Variants in ENPEP observed in about 807,000 individuals in gnomAD.
ENPEP encodes AP-A.
In ENPEP, 103 loss-of-function variants were observed where a neutral mutation model predicts 114.5. The ratio of observed to expected loss-of-function variants is 0.90; its 90% CI spans 0.77 to 1.06. The LOEUF is 1.06. ENPEP is among the 50% of genes least tolerant of loss of function. The pLI is 0.00. For synonymous variants in ENPEP, 420 were observed against 422.0 expected (o/e 1.00, Z 0.06); for missense variants, 1,196 against 1,161.3 (o/e 1.03, Z -0.43).
In ENPEP at chr4:110,529,790, G is replaced by C. The variant is rs115214049; in HGVS notation, c.1728-1408G>C. Among the ~76,000 whole-genome samples, 1,467 of 152,226 alleles carry C rather than the reference G, an allele frequency of 9.6e-3. 29 individuals are homozygous for C. Among genetic ancestry groups the C allele is most frequent in the African/African-American group, 0.033 (1,381 of 41,526 alleles). ...TCCAAGGTGTACAAAAATGACAAAG[G>C]GGGCCGGGCACAGTGGCTTATGCCT... is the stretch of plus-strand genomic sequence containing the variant. On this transcript the variant is annotated intron_variant, in intron 10 of 19. Coordinates refer to ENST00000265162, the MANE Select transcript of ENPEP (RefSeq NM_001977.4).
chr4:110,543,401 A>G (rs1399976296), intron 13 of ENPEP, among the ~76,000 whole-genome samples: 2 of 152,088 alleles, frequency 1.3e-5, no homozygotes, highest in East Asian at 3.9e-4. Flanking sequence ...GATTTAATAT[A>G]AAGACAAACA....
At chr4:110,531,729 T>C (rs1253915193) in intron 11 of ENPEP, among the ~76,000 whole-genome samples, 2 of 152,168 alleles carry the variant, frequency 1.3e-5, no homozygotes, top group African/African-American at 4.8e-5. Context: ...TTTTCCTTAC[T>C]TGAAAAATGT....
Position 110,476,631 on chromosome 4 carries a change from C to T in ENPEP, c.217C>T (p.Gln73Ter). Reference sequence around the variant, plus strand: ...GGCCAGCCCCTCAGGTCCTCCTGCCCAGGACCAGGACATCTGCCCGGCCAG... The same window carrying T: ...GGCCAGCCCCTCAGGTCCTCCTGCCTAGGACCAGGACATCTGCCCGGCCAG... ...STASPSGPPA[Q>*]DQDICPASED... is the part of the protein sequence containing the mutation. Residue 73 changes from glutamine to a stop codon, truncating the protein, a stop_gained, in exon 1 of 20, where the codon CAG (glutamine) becomes TAG (stop). Coordinates refer to ENST00000265162, the MANE Select transcript of ENPEP (RefSeq NM_001977.4). LOFTEE classifies it high-confidence loss of function. 1 of 1,614,136 alleles carries T rather than the reference C, an allele frequency of 6.2e-7. No individual in the cohort carries two copies. Among genetic ancestry groups the T allele is most frequent in the South Asian group, 1.1e-5 (1 of 91,078 alleles).
intron 18 of ENPEP, among the ~76,000 whole-genome samples, chr4:110,554,936 T>A (rs180726353): frequency 4.9e-4 from 75 of 152,164 alleles, no homozygotes; most frequent in Non-Finnish European, 8.4e-4. Flanking sequence ...AGCTATGCTG[T>A]GATTTATTTC....
chr4:110,545,774 G>A (rs1258385487), intron 13 of ENPEP, among the ~76,000 whole-genome samples: 4 of 151,944 alleles, frequency 2.6e-5, no homozygotes, highest in Admixed American at 1.3e-4. Flanking sequence ...TCCTTGAGGT[G>A]GGCAGGTGGA....
chr4:110,521,351 C>T (rs1318808231), intron 10 of ENPEP, among the ~76,000 whole-genome samples: 9 of 151,756 alleles, frequency 5.9e-5, no homozygotes, highest in Non-Finnish European at 8.8e-5. Context: ...TGCACTCCAG[C>T]CTAGGTGACA....
chr4:110,552,712 C>G (rs993756510), intron 17 of ENPEP, among the ~76,000 whole-genome samples: 1 of 152,130 alleles, frequency 6.6e-6, no homozygotes, highest in African/African-American at 2.4e-5. Flanking sequence ...AGAAACGCTA[C>G]TCTAGGTATA....
chr4:110,555,465 C>T (rs1727436619), intron 18 of ENPEP, among the ~76,000 whole-genome samples: 1 of 151,962 alleles, frequency 6.6e-6, no homozygotes, highest in Non-Finnish European at 1.5e-5. Context: ...TTAAATAAAG[C>T]TTTTGTCATG....
chr4:110,488,606 C>G lies in ENPEP; in HGVS notation c.710C>G (p.Pro237Arg), dbSNP rs1724589250. The change falls in exon 2 of 20, where the codon CCC (proline) becomes CGC (arginine). Residue 237 changes from proline (P) to arginine (R), a missense_variant. Transcript: ENST00000265162. The stretch of plus-strand genomic sequence containing the variant: ...AAATCTTTTCCTTGTTTTGATGAGC[C>G]CAACAAAAAGGCAACTTATACAATA... ...ARKSFPCFDE[P>R]NKKATYTISI... 6 of 1,613,610 alleles carry G rather than the reference C, an allele frequency of 3.7e-6. No homozygotes were observed. The highest frequency in any genetic ancestry group is 4.2e-6 in the Non-Finnish European group (5 of 1,179,904).
Position 110,562,286 on chromosome 4 carries a change from C to A in ENPEP, c.*728C>A, listed in dbSNP as rs1346543184. 2 of 152,094 alleles carry A rather than the reference C, an allele frequency of 1.3e-5. No individual in the cohort carries two copies. Among genetic ancestry groups the A allele is most frequent in the Admixed American group, 1.3e-4 (2 of 15,266 alleles). 9.4% of individuals were successfully genotyped at this position (152,094 alleles called of 1,614,324 possible). On this transcript the variant is annotated 3_prime_UTR_variant, in exon 20 of 20. Transcript: ENST00000265162. ...GTTCCCCAAATAATTTAACACATTG[C>A]AAATATGATTCAAGAATCTGGCCTT...
At position 110,510,329 on chromosome 4, in the gene ENPEP, G is replaced by C. The variant is rs1246444759; in HGVS notation, c.1279G>C (p.Val427Leu). ...TGCTTCTTTCTTTGAGTTTCTGGGA[G>C]TAAACCATGCAGAAACAGACTGGCA... The part of the protein sequence containing the change: ...GFASFFEFLG[V>L]NHAETDWQMR... The change falls in exon 6 of 20, where the codon GTA becomes CTA. Residue 427 changes from valine to leucine, a missense_variant. Physicochemically the swap from Val to Leu is conservative, Grantham distance 32. Coordinates refer to ENST00000265162, the MANE Select transcript of ENPEP (RefSeq NM_001977.4). The C allele has an allele frequency of 6.2e-7, 1 of 1,614,014 alleles. No individual in the cohort carries two copies. Among genetic ancestry groups the C allele is most frequent in the African/African-American group, 1.3e-5 (1 of 74,906 alleles).
intron 17 of ENPEP, among the ~76,000 whole-genome samples, chr4:110,550,831 A>G (rs193087016): frequency 2.6e-5 from 4 of 152,240 alleles, no homozygotes; most frequent in African/African-American, 7.2e-5. Flanking sequence ...TTACAATGCA[A>G]TACCAATTTA....
intron 11 of ENPEP, among the ~76,000 whole-genome samples, chr4:110,532,804 A>T (rs1021371888): frequency 6.6e-6 from 1 of 152,180 alleles, no homozygotes; most frequent in Non-Finnish European, 1.5e-5. Flanking sequence ...ATCAAAAAAA[A>T]TTCTAAATTT....
intron 3 of ENPEP, among the ~76,000 whole-genome samples, chr4:110,495,957 G>A (rs1724920051): frequency 6.6e-6 from 1 of 152,186 alleles, no homozygotes; most frequent in East Asian, 1.9e-4. Flanking sequence ...TATTCACTAA[G>A]GGAATGCTGG....
intron 18 of ENPEP, among the ~76,000 whole-genome samples, chr4:110,557,301 G>T (rs1471775172): frequency 1.3e-5 from 2 of 152,184 alleles, no homozygotes; most frequent in Non-Finnish European, 2.9e-5. Context: ...GGCTGAAGTC[G>T]AGTGAAGAAA....
In ENPEP at chr4:110,562,103, T is replaced by A. The variant is rs1034462340; in HGVS notation, c.*545T>A. 2.6e-5 allele frequency: 4 copies of A among 152,204 alleles called. No individual in the cohort carries two copies. Among genetic ancestry groups the A allele is most frequent in the African/African-American group, 9.6e-5 (4 of 41,460 alleles). The allele number at this position is 152,204 out of a possible 1,614,324, so 9.4% of individuals were successfully genotyped here. On this transcript the variant is annotated 3_prime_UTR_variant, in exon 20 of 20. Coordinates refer to ENST00000265162, the MANE Select transcript of ENPEP (RefSeq NM_001977.4). ...CCTGGGCTTAAGTTTTACTTGAGGA[T>A]CATATGAATTAGCCAAAAGAATGGC...
At chr4:110,507,073 C>T (rs993776634) in intron 4 of ENPEP, among the ~76,000 whole-genome samples, 2 of 152,156 alleles carry the variant, frequency 1.3e-5, no homozygotes, top group Non-Finnish European at 2.9e-5. Flanking sequence ...CAAATAGCAA[C>T]GTAGATCAGT....
intron 2 of ENPEP, among the ~76,000 whole-genome samples, chr4:110,490,620 C>T (rs1334744538): frequency 6.6e-6 from 1 of 152,128 alleles, no homozygotes; most frequent in Non-Finnish European, 1.5e-5. Context: ...AAAGAGAAGC[C>T]AATGTTCCGC....
chr4:110,559,573 A>G, intron 18 of ENPEP, 74 bp from the exon 19 acceptor site: 1 of 1,052,810 alleles, frequency 9.5e-7, no homozygotes, highest in Non-Finnish European at 1.4e-6. Flanking sequence ...AATAAAAAGG[A>G]AACATCTGCA....
Sources: gnomAD v4.1 joint callset for allele counts (sites outside exome capture counted in the v4.1 genomes callset) on GRCh38, gnomAD v4.1.1 for gene constraint, MANE v1.5 for transcripts, NCBI Gene and HGNC (gene_info 2026-07-23, HGNC 2026-07-21) for gene names.